Variants in FNBP1L observed in about 807,000 individuals in gnomAD.
The protein encoded by FNBP1L is formin-binding protein 1-like.
In FNBP1L, 36 loss-of-function variants were observed where a neutral mutation model predicts 91.2. The observed-to-expected ratio is 0.39, with a 90% CI of 0.30 to 0.52. The LOEUF (loss-of-function observed/expected upper bound fraction) is 0.52, where lower values mean the gene tolerates loss of function less well. Ranked by LOEUF, FNBP1L falls within the 20% of genes least tolerant of loss-of-function variation. The probability of loss-of-function intolerance (pLI) is 0.66; values close to 1 mark genes in which losing one functional copy is unlikely to be tolerated. For missense variants in FNBP1L, 571 were observed against 732.1 expected, an observed-to-expected ratio of 0.78 and a Z score of 2.54; for synonymous variants, 242 against 237.0, an observed-to-expected ratio of 1.02 and a Z score of -0.19.
intron 1 of FNBP1L, among the ~76,000 whole-genome samples, chr1:93,456,577 C>T (rs1014979821): frequency 2.1e-5 from 2 of 95,496 alleles, no homozygotes; most frequent in Non-Finnish European, 4.2e-5. Flanking sequence ...CCAGCCTGGG[C>T]AAGATGGTGA....
intron 4 of FNBP1L, 102 bp downstream of exon 4, chr1:93,523,593 C>A: frequency 9.7e-7 from 1 of 1,035,250 alleles, no homozygotes; most frequent in Non-Finnish European, 1.4e-6. Flanking sequence ...ACTGGTTTTT[C>A]TATTTCACTA....
intron 10 of FNBP1L, among the ~76,000 whole-genome samples, chr1:93,540,405 AT>A (rs1315402284): frequency 6.6e-6 from 1 of 152,176 alleles, no homozygotes; most frequent in Non-Finnish European, 1.5e-5. Flanking sequence ...AATTCAACCT[AT>A]ATACTTGTAT....
rs969420380 is a variant in FNBP1L, at chr1:93,524,261, C to T, written c.343C>T (p.His115Tyr). The T allele has an allele frequency of 4.7e-6, 7 of 1,486,458 alleles. No individual in the cohort carries two copies. The highest frequency in any genetic ancestry group is 1.8e-6 in the Non-Finnish European group (2 of 1,117,566). The allele number at this position is 1,486,458 out of a possible 1,614,324, so 92.1% of individuals were successfully genotyped here. ...AHDLKTERKM[H>Y]LQEGRKAQQY... is the part of the protein sequence containing the mutation. ...TTTTGGCCGTGGTTATAATCTTCAGCATCTGCAAGAAGGACGAAAAGCTCA... is the reference window on the plus strand; with the variant it reads ...TTTTGGCCGTGGTTATAATCTTCAGTATCTGCAAGAAGGACGAAAAGCTCA... The change falls in exon 5 of 17, where the codon CAT (histidine) becomes TAT (tyrosine). Residue 115 changes from histidine to tyrosine, a missense_variant and splice_region_variant. Physicochemically the swap from His to Tyr is moderately conservative, Grantham distance 83 (BLOSUM62 2). Around this residue, in one of 5 missense-constraint regions of FNBP1L, gnomAD observed 220 missense variants for 313.6 expected, o/e 0.70. Coordinates refer to ENST00000271234, the MANE Select transcript of FNBP1L (RefSeq NM_001164473.3).
intron 1 of FNBP1L, among the ~76,000 whole-genome samples, chr1:93,481,111 G>T (rs1007004232): frequency 6.6e-6 from 1 of 152,132 alleles, no homozygotes; most frequent in Non-Finnish European, 1.5e-5. Flanking sequence ...TAACCAATCA[G>T]CAGTTGAAAC....
chr1:93,459,961 G>GTGTGTGTGTGTGTGTT (rs1668806753), intron 1 of FNBP1L, among the ~76,000 whole-genome samples: 1 of 149,126 alleles, frequency 6.7e-6, no homozygotes, highest in Non-Finnish European at 1.5e-5. Flanking sequence ...GTGTGTGTGT[G>GTGTGTGTGTGTGTGTT]TGTGTGTGTG....
intron 1 of FNBP1L, among the ~76,000 whole-genome samples, chr1:93,467,054 A>G (rs2101693606): frequency 6.6e-6 from 1 of 152,250 alleles, no homozygotes; most frequent in South Asian, 2.1e-4. Flanking sequence ...ATGGGGTTTC[A>G]CCATATTGGC....
intron 1 of FNBP1L, among the ~76,000 whole-genome samples, chr1:93,474,879 T>C (rs1419589119): frequency 1.3e-5 from 2 of 152,230 alleles, no homozygotes; most frequent in Non-Finnish European, 2.9e-5. Flanking sequence ...ACCTAGCTTC[T>C]TTTCTTTGAT....
At chr1:93,551,979 C>G (rs1672429197) in intron 16 of FNBP1L, 1 of 991,036 alleles carries the variant, frequency 1.0e-6, no homozygotes, top group Non-Finnish European at 1.2e-6. Flanking sequence ...TAGAGGAAAC[C>G]TTGAATGGAG....
chr1:93,450,974 T>G lies in FNBP1L; in HGVS notation c.24+2669T>G, dbSNP rs915100581. ...TCGTGTCAGACTTTGGTTGCGTAGT[T>G]GTTAGGGGATATGAATTAACTTGTA... On this transcript the variant is annotated intron_variant, in intron 1 of 16. Transcript: ENST00000271234. 2.0e-5 allele frequency among the ~76,000 whole-genome samples: 3 copies of G among 152,244 alleles called. No homozygotes were observed. The East Asian group carries it at 5.8e-4, about 29-fold the overall frequency.
Position 93,511,965 on chromosome 1 carries a change from C to CAA in FNBP1L, c.141-10095_141-10094dup, listed in dbSNP as rs34752421. Among the ~76,000 whole-genome samples the CAA allele has an allele frequency of 5.7e-3, 375 of 66,168 alleles. 3 individuals are homozygous for CAA. Among genetic ancestry groups the CAA allele is most frequent in the African/African-American group, 0.015 (256 of 17,522 alleles). 43.4% of individuals were successfully genotyped at this position (66,168 alleles called of 152,430 possible). A position where few individuals can be genotyped will look rare whatever the true frequency, so the allele number is the denominator to read the frequency against. On this transcript the variant is annotated intron_variant, in intron 2 of 16. Transcript: ENST00000271234. ...TGGGCGACAGAGCGAGACTCCGTCTCAAAAAAAAAAAAAAAAAAAAAAAGA... is the reference window on the plus strand; with the variant it reads ...TGGGCGACAGAGCGAGACTCCGTCTCAAAAAAAAAAAAAAAAAAAAAAAAAGA...
At chr1:93,543,957 G>A in intron 11 of FNBP1L, 150 bp from the exon 12 acceptor site, 2 of 500,634 alleles carry the variant, frequency 4.0e-6, no homozygotes, top group Non-Finnish European at 7.2e-6. Flanking sequence ...ACACACATCT[G>A]TGTAGATTTC....
intron 1 of FNBP1L, among the ~76,000 whole-genome samples, chr1:93,478,587 C>T (rs1450323803): frequency 6.6e-6 from 1 of 152,102 alleles, no homozygotes; most frequent in African/African-American, 2.4e-5. Flanking sequence ...TAGGGGGCAG[C>T]AGTGGCAGTC....
intron 2 of FNBP1L, among the ~76,000 whole-genome samples, chr1:93,514,550 G>A (rs1175824010): frequency 1.3e-5 from 2 of 152,100 alleles, no homozygotes; most frequent in Non-Finnish European, 2.9e-5. Flanking sequence ...AAACAGCATG[G>A]TACTGGTACC....
At chr1:93,461,312 T>C (rs1668852185) in intron 1 of FNBP1L, among the ~76,000 whole-genome samples, 1 of 152,204 alleles carries the variant, frequency 6.6e-6, no homozygotes, top group Non-Finnish European at 1.5e-5. Flanking sequence ...GAAGTGTTGA[T>C]GTCACATATA....
At chr1:93,514,144 C>G (rs1031320069) in intron 2 of FNBP1L, among the ~76,000 whole-genome samples, 114 of 152,274 alleles carry the variant, frequency 7.5e-4, no homozygotes, top group African/African-American at 2.5e-3. Context: ...AGAGCCAAAT[C>G]ATGAGTGAAC....
intron 2 of FNBP1L, among the ~76,000 whole-genome samples, chr1:93,518,997 C>T (rs750939725): frequency 2.0e-5 from 3 of 152,218 alleles, no homozygotes; most frequent in Non-Finnish European, 2.9e-5. Flanking sequence ...GACTGTAGGT[C>T]ATGCCCAATT....
At chr1:93,525,210 G>T (rs1430517486) in intron 5 of FNBP1L, among the ~76,000 whole-genome samples, 1 of 151,996 alleles carries the variant, frequency 6.6e-6, no homozygotes. Flanking sequence ...ATGCCGAAGG[G>T]AGTTTTTCCA....
intron 2 of FNBP1L, among the ~76,000 whole-genome samples, chr1:93,511,823 G>A (rs1336192043): frequency 8.6e-5 from 13 of 151,608 alleles, no homozygotes; most frequent in Non-Finnish European, 1.2e-4. Context: ...AAAATTAGCC[G>A]GGCGTAGTGG....
intron 2 of FNBP1L, among the ~76,000 whole-genome samples, chr1:93,513,055 A>C (rs1670922856): frequency 6.6e-6 from 1 of 152,242 alleles, no homozygotes. Flanking sequence ...GAGAAGAATC[A>C]AATAGACGCA....
Sources: gnomAD v4.1 joint callset for allele counts (sites outside exome capture counted in the v4.1 genomes callset) on GRCh38, gnomAD v4.1.1 for gene constraint, gnomAD v4.1.1 regional missense constraint, MANE v1.5 for transcripts, NCBI Gene and HGNC (gene_info 2026-07-23, HGNC 2026-07-21) for gene names.